Variants in DYRK4 observed in about 807,000 individuals in gnomAD.
DYRK4 encodes dual specificity tyrosine-phosphorylation-regulated kinase 4.
A neutral mutation model predicts 68.3 loss-of-function variants in DYRK4; 64 were observed. That is an observed-to-expected ratio of 0.94 (90% CI 0.77 to 1.15). The LOEUF (loss-of-function observed/expected upper bound fraction) is 1.15. Ranked by LOEUF, DYRK4 falls within the 50% of genes most tolerant of loss-of-function variation. DYRK4 has a pLI of 0.00. For missense variants in DYRK4, 740 were observed against 764.7 expected, an observed-to-expected ratio of 0.97 and a Z score of 0.38; for synonymous variants, 274 against 289.9, an observed-to-expected ratio of 0.95 and a Z score of 0.56.
intron 1 of DYRK4, among the ~76,000 whole-genome samples, chr12:4,566,081 G>A (rs957164090): frequency 5.3e-5 from 8 of 152,172 alleles, no homozygotes; most frequent in African/African-American, 1.9e-4. Flanking sequence ...AATTCTACCT[G>A]TTCTGTCTCC....
At chr12:4,584,552 CTTTTTT>C (rs35018398) in intron 2 of DYRK4, among the ~76,000 whole-genome samples, 1 of 103,882 alleles carries the variant, frequency 9.6e-6, no homozygotes, top group African/African-American at 3.6e-5. Flanking sequence ...TCTAATCAGC[CTTTTTT>C]TTTTTTTTTT....
intron 6 of DYRK4, among the ~76,000 whole-genome samples, chr12:4,594,618 A>G (rs1944995594): frequency 2.0e-5 from 3 of 151,842 alleles, no homozygotes; most frequent in African/African-American, 7.3e-5. Context: ...AGCTGAGCCT[A>G]GGGTCTCTGG....
chr12:4,604,884 C>T, intron 10 of DYRK4, 30 bp from the exon 11 acceptor site: 1 of 1,549,150 alleles, frequency 6.5e-7, no homozygotes, highest in Non-Finnish European at 8.8e-7. Context: ...AAGTTTGTCC[C>T]ACGAGGTTTC....
intron 12 of DYRK4, 154 bp from the exon 13 acceptor site, chr12:4,610,001 T>C: frequency 2.4e-6 from 1 of 419,722 alleles, no homozygotes; most frequent in South Asian, 7.6e-5. Flanking sequence ...TATTTCAAAC[T>C]GAGTGTGTGT....
At chr12:4,595,802 T>A (rs1414247255) in intron 6 of DYRK4, among the ~76,000 whole-genome samples, 1 of 152,180 alleles carries the variant, frequency 6.6e-6, no homozygotes, top group Non-Finnish European at 1.5e-5. Flanking sequence ...ACCCTCTTAC[T>A]TTATAGGTCC....
At chr12:4,572,786 T>C (rs1944745917) in intron 2 of DYRK4, 1 of 154,280 alleles carries the variant, frequency 6.5e-6, no homozygotes, top group Non-Finnish European at 1.4e-5. Flanking sequence ...GGCTGGCACA[T>C]GTTGGAAGCC....
intron 2 of DYRK4, among the ~76,000 whole-genome samples, chr12:4,570,414 G>A (rs961648106): frequency 5.3e-5 from 8 of 152,052 alleles, no homozygotes; most frequent in South Asian, 2.1e-4. Context: ...TCTTTTCAAC[G>A]TCGATTGGCT....
At chr12:4,587,415 A>T (rs909247921) in intron 2 of DYRK4, among the ~76,000 whole-genome samples, 3 of 152,144 alleles carry the variant, frequency 2.0e-5, no homozygotes, top group African/African-American at 7.2e-5. Flanking sequence ...CTCACTGTTC[A>T]TGCCCTTTGT....
At chr12:4,607,442 C>T (rs1487050732) in intron 12 of DYRK4, 55 bp downstream of exon 12, 39 of 1,575,554 alleles carry the variant, frequency 2.5e-5, no homozygotes, top group Non-Finnish European at 2.8e-5. Context: ...ACCTGCCATA[C>T]CTTAAGGCTC....
At chr12:4,599,307 A>G in intron 9 of DYRK4, 141 bp downstream of exon 9, 1 of 809,250 alleles carries the variant, frequency 1.2e-6, no homozygotes, top group South Asian at 1.9e-5. Context: ...CTCTACTGTC[A>G]TGGCAGTATA....
At chr12:4,573,243 G>C (rs2137327247) in intron 2 of DYRK4, 1 of 1,105,126 alleles carries the variant, frequency 9.0e-7, no homozygotes, top group East Asian at 5.8e-5. Context: ...ATGAAGATAG[G>C]CATTTACTTC....
In DYRK4 at chr12:4,592,980, A is replaced by G. The variant is rs1370778658; in HGVS notation, c.464-22A>G. On this transcript the variant is annotated intron_variant, in intron 5 of 14. Transcript: ENST00000543431. ...CCCATGCTGCCTCAACTGAACTCAC[A>G]ATTGTAGTGTTTTTCACACAGAGGC... 2.5e-6 allele frequency: 4 copies of G among 1,608,428 alleles called. No individual in the cohort carries two copies. In the Admixed American group the frequency reaches 6.7e-5, roughly 27 times the overall value.
At chr12:4,584,809 C>T (rs1300559086) in intron 2 of DYRK4, among the ~76,000 whole-genome samples, 5 of 152,156 alleles carry the variant, frequency 3.3e-5, no homozygotes, top group Admixed American at 3.3e-4. Context: ...CCCACCTCGG[C>T]CTCCCAAAGT....
chr12:4,582,608 G>C (rs888148576), intron 2 of DYRK4, among the ~76,000 whole-genome samples: 2 of 152,204 alleles, frequency 1.3e-5, no homozygotes, highest in African/African-American at 4.8e-5. Flanking sequence ...TAATACAAGA[G>C]GGAGTGGTCA....
At chr12:4,599,278 T>TA in intron 9 of DYRK4, 112 bp downstream of exon 9, 3 of 1,126,382 alleles carry the variant, frequency 2.7e-6, no homozygotes, top group Non-Finnish European at 3.7e-6. Flanking sequence ...GACTTTTTTT[T>TA]TTTTTTTTTT....
chr12:4,598,957 G>A, intron 8 of DYRK4, 71 bp from the exon 9 acceptor site: 1 of 1,559,284 alleles, frequency 6.4e-7, no homozygotes, highest in Middle Eastern at 1.9e-4. Context: ...ATACAAGATT[G>A]TTTGCAGGTT....
At chr12:4,605,755 T>TTTTTTTC (rs59643333) in intron 11 of DYRK4, among the ~76,000 whole-genome samples, 1 of 102,220 alleles carries the variant, frequency 9.8e-6, no homozygotes, top group African/African-American at 3.1e-5. Context: ...TTTTTTTTTT[T>TTTTTTTC]CCAAATTAAT....
At chr12:4,573,460 A>C (rs61909600) in intron 2 of DYRK4, 66,527 of 1,206,774 alleles carry the variant, frequency 0.055, 2,295 homozygotes, top group Non-Finnish European at 0.066. Flanking sequence ...TGTCAAAGGA[A>C]TGTGAAGTGA....
At chr12:4,580,855 A>G (rs916838967) in intron 2 of DYRK4, 14 of 455,788 alleles carry the variant, frequency 3.1e-5, no homozygotes, top group African/African-American at 2.8e-4. Flanking sequence ...CTGAGAAAAC[A>G]GGAAAATCGC....
Sources: allele counts gnomAD v4.1 joint callset (sites outside exome capture counted in the v4.1 genomes callset), GRCh38; gene constraint gnomAD v4.1.1; transcripts MANE v1.5; gene names NCBI Gene and HGNC (gene_info 2026-07-23, HGNC 2026-07-21).